The following FARP1 variants were observed in gnomAD, a reference collection of about 807,000 sequenced individuals.
FARP1 encodes FERM, ARH/RhoGEF and pleckstrin domain protein 1.
In FARP1, 52 loss-of-function variants were observed where a neutral mutation model predicts 128.8. The observed-to-expected ratio is 0.40, with a 90% CI of 0.32 to 0.51. The LOEUF (loss-of-function observed/expected upper bound fraction) is 0.51. Among genes scored for constraint, FARP1 ranks in the 20% least tolerant of loss-of-function variants. The probability of loss-of-function intolerance (pLI) is 0.45; values close to 1 mark genes in which losing one functional copy is unlikely to be tolerated. For synonymous variants in FARP1, 580 were observed against 551.8 expected (o/e 1.05, Z -0.72); for missense variants, 1,333 against 1,367.9 (o/e 0.97, Z 0.40).
intron 7 of FARP1, 38 bp downstream of exon 7, chr13:98,384,882 G>T: frequency 7.8e-7 from 1 of 1,282,512 alleles, no homozygotes; most frequent in South Asian, 1.2e-5. Context: ...CCTCTGAGCC[G>T]GTTCTCTCTG....
At chr13:98,165,710 G>GTTTTTTTTTTTTTTTTTTTT (rs71111927) in intron 1 of FARP1, among the ~76,000 whole-genome samples, 7 of 74,126 alleles carry the variant, frequency 9.4e-5, no homozygotes, top group Non-Finnish European at 9.4e-5. Context: ...TCCAGAAGGG[G>GTTTTTTTTTTTTTTTTTTTT]TTTTTTTTTT....
intron 1 of FARP1, among the ~76,000 whole-genome samples, chr13:98,151,658 A>ATATTTTTTTTT (rs1197060435): frequency 4.1e-5 from 1 of 24,176 alleles, no homozygotes; most frequent in Non-Finnish European, 1.7e-4. Context: ...TATATCTTCC[A>ATATTTTTTTTT]TCTTTTTTTT....
In FARP1 at chr13:98,382,604, T is replaced by G. The variant is rs535528313; in HGVS notation, c.497-2126T>G. 6.6e-5 allele frequency: 10 copies of G among 152,306 alleles called. No homozygotes were observed. The South Asian group carries it at 2.1e-3, about 32-fold the overall frequency. 9.4% of individuals were successfully genotyped at this position (152,306 alleles called of 1,614,324 possible). On this transcript the variant is annotated intron_variant, in intron 6 of 26. Transcript: ENST00000319562. ...TTATTCTCAGATTCTGTCTGAAAAT[T>G]CGCTTATTTACTTGTAACCCCCAAA... is the stretch of plus-strand genomic sequence containing the variant.
intron 2 of FARP1, among the ~76,000 whole-genome samples, chr13:98,271,015 T>G (rs953226149): frequency 6.6e-6 from 1 of 152,226 alleles, no homozygotes; most frequent in Non-Finnish European, 1.5e-5. Flanking sequence ...ATTGCAGTTG[T>G]GTGAGCTCTC....
intron 2 of FARP1, among the ~76,000 whole-genome samples, chr13:98,311,703 G>A (rs1886466343): frequency 6.6e-6 from 1 of 152,096 alleles, no homozygotes; most frequent in African/African-American, 2.4e-5. Flanking sequence ...TTTAAATAAA[G>A]TAAGAGCCTT....
At chr13:98,169,440 C>A (rs1877500410) in intron 1 of FARP1, among the ~76,000 whole-genome samples, 1 of 152,166 alleles carries the variant, frequency 6.6e-6, no homozygotes, top group Non-Finnish European at 1.5e-5. Flanking sequence ...GTGAAAATAT[C>A]TTTGCTGGAT....
chr13:98,298,316 A>T (rs1336815262), intron 2 of FARP1, among the ~76,000 whole-genome samples: 1 of 152,220 alleles, frequency 6.6e-6, no homozygotes, highest in Non-Finnish European at 1.5e-5. Context: ...CTCTACGTTC[A>T]TTCGTGTCGC....
At chr13:98,279,984 G>A (rs1884853940) in intron 2 of FARP1, among the ~76,000 whole-genome samples, 1 of 152,046 alleles carries the variant, frequency 6.6e-6, no homozygotes, top group South Asian at 2.1e-4. Flanking sequence ...CCTCTCCCTT[G>A]CTCCTGGCTC....
chr13:98,438,167 C>T (rs1260941293), intron 19 of FARP1, among the ~76,000 whole-genome samples: 9 of 152,098 alleles, frequency 5.9e-5, no homozygotes, highest in Non-Finnish European at 7.4e-5. Flanking sequence ...TGTACAGCCC[C>T]GGGGAGGATG....
chr13:98,155,113 A>C (rs1429184603), intron 1 of FARP1, among the ~76,000 whole-genome samples: 1 of 152,108 alleles, frequency 6.6e-6, no homozygotes, highest in Non-Finnish European at 1.5e-5. Flanking sequence ...TTGGGAGGCC[A>C]AGGTGGGCAG....
At chr13:98,388,053 G>A (rs9584828) in intron 8 of FARP1, among the ~76,000 whole-genome samples, 9,186 of 152,182 alleles carry the variant, frequency 0.06, 810 homozygotes, top group African/African-American at 0.2. Flanking sequence ...GGTACCTGGC[G>A]CTTCCTAAGT....
rs1892464859 is a variant in FARP1 at position 98,440,172 on chromosome 13, G to A, written c.2566G>A (p.Asp856Asn). 1 of 1,614,088 alleles carries A rather than the reference G, an allele frequency of 6.2e-7. No individual in the cohort carries two copies. Among genetic ancestry groups the A allele is most frequent in the Non-Finnish European group, 8.5e-7 (1 of 1,180,024 alleles). Reference sequence around the variant, plus strand: ...GGTTGAGGACATCCAGATGGCCATTGACCTGGCGGAGAAGAGCAGCAGCCC... The same window carrying A: ...GGTTGAGGACATCCAGATGGCCATTAACCTGGCGGAGAAGAGCAGCAGCCC... ...KWVEDIQMAI[D>N]LAEKSSSPAP... Residue 856 changes from aspartate to asparagine, a missense_variant, in exon 23 of 27, where the codon GAC (aspartate) becomes AAC (asparagine). Transcript: ENST00000319562.
intron 11 of FARP1, among the ~76,000 whole-genome samples, chr13:98,391,877 C>T (rs1890318401): frequency 6.6e-6 from 1 of 152,178 alleles, no homozygotes; most frequent in African/African-American, 2.4e-5. Flanking sequence ...GGATAGGCCT[C>T]AAGAACTAGT....
At position 98,177,618 on chromosome 13, in the gene FARP1, G is replaced by A. The variant is rs368911504; in HGVS notation, c.-24+34126G>A. ...GCCGAGATCACGCCACTGTACTCTA[G>A]CCTGGGTGACAGAGCGAGACCCTGT... On this transcript the variant is annotated intron_variant, in intron 1 of 26. Transcript: ENST00000319562. Among the ~76,000 whole-genome samples the A allele has an allele frequency of 4.0e-5, 6 of 151,552 alleles. No individual in the cohort carries two copies. The East Asian group carries it at 5.8e-4, about 15-fold the overall frequency.
intron 1 of FARP1, among the ~76,000 whole-genome samples, chr13:98,147,624 C>G (rs1041470040): frequency 2.6e-5 from 4 of 151,652 alleles, no homozygotes; most frequent in African/African-American, 9.7e-5. Flanking sequence ...CTTGTTCATT[C>G]AGGATCTAGT....
chr13:98,385,618 C>G, intron 7 of FARP1, 49 bp from the exon 8 acceptor site: 1 of 1,596,918 alleles, frequency 6.3e-7, no homozygotes, highest in Non-Finnish European at 8.6e-7. Flanking sequence ...TTAATAGATA[C>G]AGGGAATTCA....
At chr13:98,365,521 T>C in intron 4 of FARP1, 84 bp downstream of exon 4, 1 of 968,404 alleles carries the variant, frequency 1.0e-6, no homozygotes, top group Non-Finnish European at 1.6e-6. Context: ...CCCTGTGGCA[T>C]GAAGCACTAG....
chr13:98,394,152 A>T (rs914266334), intron 12 of FARP1, among the ~76,000 whole-genome samples: 1 of 152,210 alleles, frequency 6.6e-6, no homozygotes, highest in African/African-American at 2.4e-5. Context: ...GCGAGTTCCC[A>T]GAGCTTGTAT....
intron 2 of FARP1, among the ~76,000 whole-genome samples, chr13:98,325,919 GA>G (rs1887212836): frequency 6.6e-6 from 1 of 152,242 alleles, no homozygotes; most frequent in African/African-American, 2.4e-5. Flanking sequence ...TTTTAGCAGA[GA>G]AAACAAAGCT....
Sources: allele counts gnomAD v4.1 joint callset (sites outside exome capture counted in the v4.1 genomes callset), GRCh38; gene constraint gnomAD v4.1.1; transcripts MANE v1.5; gene names NCBI Gene and HGNC (gene_info 2026-07-23, HGNC 2026-07-21).